Variants in RANGAP1 observed in about 807,000 individuals in gnomAD.
RANGAP1 encodes the protein Ran GTPase activating protein 1.
In RANGAP1, 38 loss-of-function variants were observed where a neutral mutation model predicts 63.5. That is an observed-to-expected ratio of 0.60 (90% CI 0.46 to 0.78). The LOEUF (loss-of-function observed/expected upper bound fraction) is 0.78, where lower values mean the gene tolerates loss of function less well. RANGAP1 is among the 30% of genes least tolerant of loss of function. RANGAP1 has a pLI of 0.00. For missense variants in RANGAP1, 630 were observed against 740.3 expected (o/e 0.85, Z 1.73); for synonymous variants, 329 against 310.5 (o/e 1.06, Z -0.63).
At chr22:41,248,748 T>C (rs542263270) in intron 15 of RANGAP1, among the ~76,000 whole-genome samples, 3 of 152,304 alleles carry the variant, frequency 2.0e-5, no homozygotes, top group South Asian at 2.1e-4. Context: ...CCTCTCTTAC[T>C]TGACTGTGCC....
At chr22:41,265,243 T>G (rs1048494133) in intron 4 of RANGAP1, among the ~76,000 whole-genome samples, 1 of 151,354 alleles carries the variant, frequency 6.6e-6, no homozygotes, top group Non-Finnish European at 1.5e-5. Context: ...GGGCTTTGGG[T>G]GGAAGGGAAG....
chr22:41,268,041 G>A, intron 4 of RANGAP1, 56 bp downstream of exon 4: 5 of 1,440,136 alleles, frequency 3.5e-6, no homozygotes, highest in Non-Finnish European at 2.9e-6. Context: ...GAAAAGCCCT[G>A]GGAATTGCCA....
At chr22:41,247,694 A>C (rs1206950136) in intron 15 of RANGAP1, among the ~76,000 whole-genome samples, 2 of 152,244 alleles carry the variant, frequency 1.3e-5, no homozygotes, top group Non-Finnish European at 2.9e-5. Context: ...ACTGCAAAGG[A>C]AGAAACTGAG....
At chr22:41,271,474 A>C (rs1464126293) in intron 3 of RANGAP1, among the ~76,000 whole-genome samples, 2 of 151,152 alleles carry the variant, frequency 1.3e-5, no homozygotes, top group African/African-American at 2.4e-5. Flanking sequence ...AGGCGGGCGG[A>C]TCACAAGGTC....
chr22:41,279,797 T>C lies in RANGAP1; in HGVS notation c.112+1136A>G, dbSNP rs547718660. The stretch of plus-strand genomic sequence containing the variant: ...AGCCTGGGTGGCAGAGTGAGACTCA[T>C]CTCAAAAAAAAAAAAAAAAGCCGGG... On this transcript the variant is annotated intron_variant, in intron 2 of 15. Coordinates refer to ENST00000356244, the MANE Select transcript of RANGAP1 (RefSeq NM_002883.4). 1.6e-4 allele frequency among the ~76,000 whole-genome samples: 14 copies of C among 85,650 alleles called. No homozygotes were observed. The East Asian group carries it at 3.0e-3, about 18-fold the overall frequency. The allele number at this position is 85,650 out of a possible 152,430, so 56.2% of individuals were successfully genotyped here.
intron 3 of RANGAP1, among the ~76,000 whole-genome samples, chr22:41,270,207 G>A (rs953603711): frequency 1.3e-5 from 2 of 150,790 alleles, no homozygotes; most frequent in Admixed American, 1.3e-4. Flanking sequence ...ATGGCCTGAT[G>A]TGGGCTCCCT....
At chr22:41,267,671 G>C (rs2034561233) in intron 4 of RANGAP1, among the ~76,000 whole-genome samples, 1 of 152,206 alleles carries the variant, frequency 6.6e-6, no homozygotes, top group Non-Finnish European at 1.5e-5. Context: ...CAGTGGTACG[G>C]AGAAAGGGAG....
intron 3 of RANGAP1, among the ~76,000 whole-genome samples, chr22:41,273,766 C>CAAAAAAAAA (rs71200678): frequency 0.12 from 2,805 of 24,332 alleles, 745 homozygotes; most frequent in Middle Eastern, 0.29. Context: ...GACTCCATCT[C>CAAAAAAAAA]AAAAAAAAAA....
At chr22:41,256,329 C>A (rs530840382) in intron 8 of RANGAP1, 39 bp from the exon 9 acceptor site, 1 of 1,586,424 alleles carries the variant, frequency 6.3e-7, no homozygotes, top group East Asian at 2.2e-5. Flanking sequence ...GGCAGAAACC[C>A]GGGCCAGGAC....
chr22:41,258,648 CTTTT>C (rs1315607788), intron 6 of RANGAP1, among the ~76,000 whole-genome samples: 1 of 152,130 alleles, frequency 6.6e-6, no homozygotes, highest in South Asian at 2.1e-4. Flanking sequence ...TTTTCTTTTT[CTTTT>C]TTCTTTTTTT....
the RANGAP1 span, among the ~76,000 whole-genome samples, chr22:41,291,716 G>A: frequency 6.6e-6 from 1 of 151,472 alleles, no homozygotes; most frequent in Non-Finnish European, 1.5e-5. Context: ...GGCTAACACG[G>A]TGAAACCCCG....
chr22:41,274,444 G>T (rs954803052), intron 3 of RANGAP1, among the ~76,000 whole-genome samples, 156 bp downstream of exon 3: 1 of 152,250 alleles, frequency 6.6e-6, no homozygotes, highest in African/African-American at 2.4e-5. Flanking sequence ...CCTAGCCAAT[G>T]CTGTGTGCCC....
the RANGAP1 span, among the ~76,000 whole-genome samples, chr22:41,292,339 G>A: frequency 1.3e-5 from 2 of 151,728 alleles, no homozygotes; most frequent in East Asian, 2.0e-4. Context: ...AGTAGAGATC[G>A]GGGTTTCACC....
chr22:41,294,620 C>T, the RANGAP1 span, among the ~76,000 whole-genome samples: 2 of 145,380 alleles, frequency 1.4e-5, no homozygotes, highest in Non-Finnish European at 3.0e-5. Flanking sequence ...CGCCTCTTCC[C>T]GGCCGCCATC....
the RANGAP1 span, among the ~76,000 whole-genome samples, chr22:41,300,275 C>T: frequency 6.6e-6 from 1 of 151,824 alleles, no homozygotes; most frequent in African/African-American, 2.4e-5. Context: ...ATCACCAGAC[C>T]ATTTGCCATC....
At chr22:41,258,203 T>C (rs1045707639) in intron 6 of RANGAP1, 97 bp from the exon 7 acceptor site, 50 of 1,382,496 alleles carry the variant, frequency 3.6e-5, no homozygotes, top group Middle Eastern at 1.9e-4. Context: ...AGGAATGGGC[T>C]GCCGCCAGCA....
chr22:41,257,825 C>T lies in RANGAP1; in HGVS notation c.774+123G>A, dbSNP rs566210400. 2.5e-6 allele frequency: 3 copies of T among 1,219,818 alleles called. No individual in the cohort carries two copies. The highest frequency in any genetic ancestry group is 2.9e-4 in the Middle Eastern group (1 of 3,480). The allele number at this position is 1,219,818 out of a possible 1,614,324, so 75.6% of individuals were successfully genotyped here. ...TTCAAAGAGCTGGAGCCATGGGGCA[C>T]ACACCCAGGGGGCAGGCAGGGGGTA... is the stretch of plus-strand genomic sequence containing the variant. On this transcript the variant is annotated intron_variant, in intron 7 of 15. Coordinates refer to ENST00000356244, the MANE Select transcript of RANGAP1 (RefSeq NM_002883.4). The surrounding 1 kb of genome is among the most constrained non-coding windows in gnomAD (Gnocchi z 4.0).
chr22:41,261,225 G>A (rs2034149571), intron 6 of RANGAP1, among the ~76,000 whole-genome samples: 2 of 152,206 alleles, frequency 1.3e-5, no homozygotes, highest in South Asian at 2.1e-4. Context: ...TCACCAGTGG[G>A]AGCCAGTCAC....
rs1036928581 is a variant in RANGAP1 at position 41,280,808 on chromosome 22, C to T, written c.112+125G>A. On this transcript the variant is annotated intron_variant, in intron 2 of 15. Transcript: ENST00000356244. Reference sequence around the variant, plus strand: ...CATTGTTAGAATAGGCCCAATGATACCTCACAGAGCTGCTGGGACAAATAA... The same window carrying T: ...CATTGTTAGAATAGGCCCAATGATATCTCACAGAGCTGCTGGGACAAATAA... 9 of 1,533,776 alleles carry T rather than the reference C, an allele frequency of 5.9e-6. No individual in the cohort carries two copies. In the African/African-American group the frequency reaches 6.8e-5, roughly 12 times the overall value.
Sources: allele counts gnomAD v4.1 joint callset (sites outside exome capture counted in the v4.1 genomes callset), GRCh38; gene constraint gnomAD v4.1.1; non-coding constraint Gnocchi (gnomAD v3.1); transcripts MANE v1.5; gene names NCBI Gene and HGNC (gene_info 2026-07-23, HGNC 2026-07-21).